APP: variants seen among roughly 807,000 people sequenced by gnomAD.
The protein encoded by APP is amyloid beta precursor protein.
A neutral mutation model predicts 101.4 loss-of-function variants in APP; 31 were observed. That is an observed-to-expected ratio of 0.31 (90% confidence interval 0.23 to 0.41). The LOEUF is 0.41. Among genes scored for constraint, APP ranks in the 10% least tolerant of loss-of-function variants. APP has a pLI of 1.00. For missense variants in APP, 839 were observed against 1,003.7 expected (o/e 0.84, Z 2.22); for synonymous variants, 366 against 364.4 (o/e 1.00, Z -0.05).
At chr21:25,961,737 G>T (rs1221618825) in intron 11 of APP, among the ~76,000 whole-genome samples, 1 of 152,114 alleles carries the variant, frequency 6.6e-6, no homozygotes, top group African/African-American at 2.4e-5. Context: ...TACAGGAATG[G>T]TAGGGAAAAA....
chr21:26,072,149 T>C (rs992400132), intron 3 of APP, among the ~76,000 whole-genome samples: 1 of 152,214 alleles, frequency 6.6e-6, no homozygotes, highest in Non-Finnish European at 1.5e-5. Flanking sequence ...GTGTACCAAG[T>C]ATGTACAAAA....
intron 13 of APP, among the ~76,000 whole-genome samples, chr21:25,935,711 G>A (rs1480171494): frequency 6.6e-5 from 10 of 151,842 alleles, no homozygotes; most frequent in South Asian, 6.3e-4. Context: ...GTGGTGGTGC[G>A]CGCCTATAAT....
At chr21:26,004,086 A>T (rs1249185020) in intron 6 of APP, among the ~76,000 whole-genome samples, 1 of 152,154 alleles carries the variant, frequency 6.6e-6, no homozygotes, top group Non-Finnish European at 1.5e-5. Context: ...AGCACCAGCG[A>T]TGTATGATGC....
intron 1 of APP, among the ~76,000 whole-genome samples, chr21:26,116,889 A>AT (rs148513335): frequency 0.04 from 6,056 of 151,434 alleles, 261 homozygotes; most frequent in South Asian, 0.13. Context: ...TAATCTCAGT[A>AT]TTTTTTTTTG....
chr21:26,093,517 C>T (rs576280107), intron 2 of APP, among the ~76,000 whole-genome samples: 30 of 152,264 alleles, frequency 2.0e-4, no homozygotes, highest in East Asian at 3.9e-4. Context: ...ATCTCTTTTT[C>T]ATGTTGGTTG....
chr21:26,027,921 G>A (rs73163782), intron 5 of APP, among the ~76,000 whole-genome samples: 3,900 of 152,220 alleles, frequency 0.026, 82 homozygotes, highest in Admixed American at 0.058. Context: ...CAGGCCTGAG[G>A]AGGTGGCTCA....
chr21:26,135,791 C>T (rs1048007845), intron 1 of APP, among the ~76,000 whole-genome samples: 1 of 152,032 alleles, frequency 6.6e-6, no homozygotes, highest in Non-Finnish European at 1.5e-5. Flanking sequence ...TAAATCAAAA[C>T]GAAGCCCCAG....
chr21:25,989,286 C>T (rs1033212679), intron 8 of APP, among the ~76,000 whole-genome samples: 1 of 152,156 alleles, frequency 6.6e-6, no homozygotes, highest in African/African-American at 2.4e-5. Context: ...CACTGATTTC[C>T]CTCATTTTAG....
intron 13 of APP, among the ~76,000 whole-genome samples, chr21:25,918,856 G>A (rs1157004193): frequency 6.7e-6 from 1 of 149,136 alleles, no homozygotes; most frequent in African/African-American, 2.5e-5. Flanking sequence ...CAGCCGGGAA[G>A]CTCGAACTGG....
At chr21:26,124,902 G>A (rs1218136048) in intron 1 of APP, among the ~76,000 whole-genome samples, 1 of 152,220 alleles carries the variant, frequency 6.6e-6, no homozygotes, top group African/African-American at 2.4e-5. Flanking sequence ...GGGGTAACCC[G>A]AAAACATTCC....
chr21:25,988,022 G>A (rs1052168186), intron 8 of APP, among the ~76,000 whole-genome samples: 6 of 152,164 alleles, frequency 3.9e-5, no homozygotes, highest in South Asian at 2.1e-4. Context: ...CAGAAGGATC[G>A]GGAGAGCTGA....
intron 17 of APP, among the ~76,000 whole-genome samples, chr21:25,885,842 C>T (rs1460460565): frequency 6.6e-6 from 1 of 152,148 alleles, no homozygotes; most frequent in Admixed American, 6.5e-5. Context: ...TCACTGTATC[C>T]AGAGTAATTT....
intron 1 of APP, among the ~76,000 whole-genome samples, chr21:26,136,188 A>G (rs369838269): frequency 1.6e-4 from 12 of 76,412 alleles, no homozygotes; most frequent in African/African-American, 1.2e-3. Flanking sequence ...AAAGAAAGAA[A>G]GAAAGAAAGA....
At chr21:26,084,227 A>G (rs1276411557) in intron 3 of APP, among the ~76,000 whole-genome samples, 9 of 83,060 alleles carry the variant, frequency 1.1e-4, no homozygotes, top group Non-Finnish European at 2.2e-5. Flanking sequence ...GAAGGGCTCC[A>G]TTTTTTTTTT....
intron 11 of APP, among the ~76,000 whole-genome samples, chr21:25,963,371 CT>C (rs1338245017): frequency 6.6e-6 from 1 of 152,136 alleles, no homozygotes; most frequent in Non-Finnish European, 1.5e-5. Context: ...AATCTGGCAT[CT>C]TATCATAATA....
At position 26,164,280 on chromosome 21, in the gene APP, G is replaced by A. The variant is rs796825536; in HGVS notation, c.57+6284C>T. On this transcript the variant is annotated intron_variant, in intron 1 of 17. Transcript: ENST00000346798. The stretch of plus-strand genomic sequence containing the variant: ...CAAAACAAAAAATTCATTTTATTTT[G>A]AAACTGATTTCCTAGAGAAATGCCG... 5.3e-4 allele frequency among the ~76,000 whole-genome samples: 81 copies of A among 152,296 alleles called. 2 individuals are homozygous for A. Among genetic ancestry groups the A allele is most frequent in the African/African-American group, 1.9e-3 (78 of 41,584 alleles).
intron 1 of APP, among the ~76,000 whole-genome samples, chr21:26,137,005 T>C (rs1458152131): frequency 6.6e-6 from 1 of 152,016 alleles, no homozygotes; most frequent in Non-Finnish European, 1.5e-5. Flanking sequence ...GATCCATCTC[T>C]GCTCACTGCA....
chr21:26,059,117 A>C (rs1372148701), intron 3 of APP, among the ~76,000 whole-genome samples: 1 of 152,056 alleles, frequency 6.6e-6, no homozygotes, highest in African/African-American at 2.4e-5. Flanking sequence ...TAAAATAAAA[A>C]AAAAACAGAC....
At chr21:26,027,799 A>C (rs1408677847) in intron 5 of APP, among the ~76,000 whole-genome samples, 1 of 152,192 alleles carries the variant, frequency 6.6e-6, no homozygotes, top group African/African-American at 2.4e-5. Flanking sequence ...AAGGTTGAAA[A>C]GGGTTTCTTG....
Sources: allele counts gnomAD v4.1 joint callset (sites outside exome capture counted in the v4.1 genomes callset), GRCh38; gene constraint gnomAD v4.1.1; transcripts MANE v1.5; gene names NCBI Gene and HGNC (gene_info 2026-07-23, HGNC 2026-07-21).